WBP1: variants seen among roughly 807,000 people sequenced by gnomAD.
The protein encoded by WBP1 is WW domain binding protein 1, also known as WW domain-binding protein 1.
Under a neutral mutation model 25.6 loss-of-function variants are expected in WBP1, and 18 were observed. The observed-to-expected ratio is 0.70, with a 90% CI of 0.49 to 1.04. The LOEUF is 1.04. Among genes scored for constraint, WBP1 ranks in the 50% least tolerant of loss-of-function variants. The pLI, the probability that WBP1 is intolerant of heterozygous loss-of-function variation, is 0.00. For missense variants in WBP1, 330 were observed against 352.9 expected (o/e 0.94, Z 0.52); for synonymous variants, 122 against 137.7 (o/e 0.89, Z 0.80).
Position 74,459,979 on chromosome 2 carries a change from C to T in WBP1, c.279C>T (p.Ile93=), listed in dbSNP as rs1671846914. ...RLQQQQRQRE[I]NLLAYHGACH... The stretch of plus-strand genomic sequence containing the variant: ...AACAACAGCAGCGGCAGCGTGAAAT[C>T]AACTTGTTGGCCTATCATGGGGCAT... Residue 93 remains isoleucine, a synonymous_variant, in exon 3 of 4, where the codon ATC becomes ATT. Transcript: ENST00000233615. The T allele has an allele frequency of 2.5e-6, 4 of 1,614,028 alleles. No homozygotes were observed. The Admixed American group carries it at 5.0e-5, about 20-fold the overall frequency.
chr2:74,459,185 TG>T (rs1205556931), intron 1 of WBP1: 24 of 1,507,056 alleles, frequency 1.6e-5, no homozygotes, highest in African/African-American at 1.1e-4. Flanking sequence ...CAGTTGCGGG[TG>T]GGGGGTAGTG....
At position 74,460,286 on chromosome 2, in the gene WBP1, C is replaced by G. The variant is rs768311124; in HGVS notation, c.415C>G (p.Pro139Ala). ...GGTTCACCGCCCAGGCACACCACCC[C>G]CCCCTTATACTGTGGCCCCAGGCCG... is the stretch of plus-strand genomic sequence containing the variant. ...DVVHRPGTPP[P>A]PYTVAPGRPL... Residue 139 changes from proline to alanine, a missense_variant, in exon 4 of 4, where the codon CCC becomes GCC. Pro to Ala is a conservative substitution (Grantham distance 27). Transcript: ENST00000233615. 3.7e-6 allele frequency: 6 copies of G among 1,614,066 alleles called. No individual in the cohort carries two copies. The highest frequency in any genetic ancestry group is 2.2e-5 in the South Asian group (2 of 91,082).
intron 1 of WBP1, chr2:74,459,430 T>C (rs1671822417): frequency 1.6e-6 from 1 of 631,064 alleles, no homozygotes; most frequent in Admixed American, 3.0e-5. Context: ...TTTTGTCTTG[T>C]TCTCTAGACT....
rs1671808033 is a variant in WBP1, at chr2:74,459,135, C to G, written c.69+464C>G. On this transcript the variant is annotated intron_variant, in intron 1 of 3. Coordinates refer to ENST00000233615, the MANE Select transcript of WBP1 (RefSeq NM_012477.4). ...TGCTCTGGGTCTCACACTGCCCCTC[C>G]TCTATCCTAGGGAGCCTGAGGCCCA... The G allele has an allele frequency of 2.6e-6, 4 of 1,539,022 alleles. No individual in the cohort carries two copies. In the South Asian group the frequency reaches 4.8e-5, roughly 18 times the overall value.
Position 74,460,777 on chromosome 2 carries a change from T to G in WBP1, c.*96T>G. ...TTGGCCCCTCCCTGCCTACCTAGAA[T>G]CTGCCTGAAAGGGCTGGAGAGGGGC... On this transcript the variant is annotated 3_prime_UTR_variant, in exon 4 of 4. Coordinates refer to ENST00000233615, the MANE Select transcript of WBP1 (RefSeq NM_012477.4). 1 of 1,160,778 alleles carries G rather than the reference T, an allele frequency of 8.6e-7. No homozygotes were observed. Among genetic ancestry groups the G allele is most frequent in the Non-Finnish European group, 1.2e-6 (1 of 832,126 alleles). The allele number at this position is 1,160,778 out of a possible 1,614,324, so 71.9% of individuals were successfully genotyped here.
chr2:74,460,865 TAA>T lies in WBP1; in HGVS notation c.*186_*187del, dbSNP rs572412130. 3.2e-6 allele frequency: 2 copies of T among 631,580 alleles called. No homozygotes were observed. The highest frequency in any genetic ancestry group is 1.8e-5 in the African/African-American group (1 of 54,184). The allele number at this position is 631,580 out of a possible 1,614,324, so 39.1% of individuals were successfully genotyped here. ...CATACACAGGAGCCTTTGATCTCAT[TAA>T]AGAGATGTGAACCAGCTACTTGTGG... is the stretch of plus-strand genomic sequence containing the variant. On this transcript the variant is annotated 3_prime_UTR_variant, in exon 4 of 4. Coordinates refer to ENST00000233615, the MANE Select transcript of WBP1 (RefSeq NM_012477.4).
At chr2:74,459,831 G>A (rs1168881338) in intron 2 of WBP1, 42 bp from the exon 3 acceptor site, 1 of 1,612,820 alleles carries the variant, frequency 6.2e-7, no homozygotes, top group Admixed American at 1.7e-5. Context: ...CCCCTTCTCT[G>A]CATGAAAGAT....
At position 74,460,091 on chromosome 2, in the gene WBP1, C is replaced by T. The variant is rs188999654; in HGVS notation, c.349+42C>T. On this transcript the variant is annotated intron_variant, in intron 3 of 3. Coordinates refer to ENST00000233615, the MANE Select transcript of WBP1 (RefSeq NM_012477.4). Reference sequence around the variant, plus strand: ...CCTGGGTCAGCTACCAGTGGCCCTCCCCAAACCAGAACCCCAAATCGTCTC... The same window carrying T: ...CCTGGGTCAGCTACCAGTGGCCCTCTCCAAACCAGAACCCCAAATCGTCTC... The T allele has an allele frequency of 4.1e-3, 6,508 of 1,602,924 alleles. 20 individuals are homozygous for T. The highest frequency in any genetic ancestry group is 5.0e-3 in the South Asian group (453 of 90,674).
At position 74,458,536 on chromosome 2, in the gene WBP1, A is replaced by T. The variant is rs938997100; in HGVS notation, c.-67A>T. On this transcript the variant is annotated 5_prime_UTR_variant, in exon 1 of 4. Transcript: ENST00000233615. ...GCAGGGACCATGGCGGTGGCAGCAG[A>T]GGTGGCAGGGGCGGGGCGGCTGGCG... 3 of 1,522,968 alleles carry T rather than the reference A, an allele frequency of 2.0e-6. No individual in the cohort carries two copies. Among genetic ancestry groups the T allele is most frequent in the Non-Finnish European group, 2.7e-6 (3 of 1,128,960 alleles). The allele number at this position is 1,522,968 out of a possible 1,614,324, so 94.3% of individuals were successfully genotyped here. A position where few individuals can be genotyped will look rare whatever the true frequency, so the allele number is the denominator to read the frequency against.
intron 1 of WBP1, chr2:74,459,187 G>T (rs1449800793): frequency 2.0e-6 from 3 of 1,507,426 alleles, no homozygotes; most frequent in South Asian, 1.2e-5. Flanking sequence ...GTTGCGGGTG[G>T]GGGGTAGTGA....
Position 74,460,228 on chromosome 2 carries a change from C to G in WBP1, c.357C>G (p.Leu119=). 2 of 1,609,436 alleles carry G rather than the reference C, an allele frequency of 1.2e-6. No homozygotes were observed. Among genetic ancestry groups the G allele is most frequent in the Non-Finnish European group, 8.5e-7 (1 of 1,176,676 alleles). ...PTGSLLDLRF[L]STFKPPAYED... ...CAATTTTCTCCCCTGCAGGCTTCCT[C>G]AGCACCTTCAAGCCCCCAGCCTACG... The change falls in exon 4 of 4, where the codon CTC becomes CTG. Residue 119 remains leucine, a synonymous_variant. Transcript: ENST00000233615.
At position 74,460,875 on chromosome 2, in the gene WBP1, T is replaced by G. The variant is rs1671883575; in HGVS notation, c.*194T>G. The G allele has an allele frequency of 4.8e-6, 3 of 623,300 alleles. No homozygotes were observed. The East Asian group carries it at 8.4e-5, about 17-fold the overall frequency. 38.6% of individuals were successfully genotyped at this position (623,300 alleles called of 1,614,324 possible). Reference sequence around the variant, plus strand: ...AGCCTTTGATCTCATTAAAGAGATGTGAACCAGCTACTTGTGGATTTGGGT... The same window carrying G: ...AGCCTTTGATCTCATTAAAGAGATGGGAACCAGCTACTTGTGGATTTGGGT... On this transcript the variant is annotated 3_prime_UTR_variant, in exon 4 of 4. Coordinates refer to ENST00000233615, the MANE Select transcript of WBP1 (RefSeq NM_012477.4).
At chr2:74,460,153 C>T (rs1671854172) in intron 3 of WBP1, 68 bp from the exon 4 acceptor site, 2 of 1,551,544 alleles carry the variant, frequency 1.3e-6, no homozygotes. Context: ...GTATTTTTCC[C>T]TAATATAAAA....
chr2:74,460,726 C>T lies in WBP1; in HGVS notation c.*45C>T. Reference sequence around the variant, plus strand: ...TGGGTTACTTGCCCACCAGAAACAGCCCTAGTCCCAACTCCTTGCGTTCCT... The same window carrying T: ...TGGGTTACTTGCCCACCAGAAACAGTCCTAGTCCCAACTCCTTGCGTTCCT... On this transcript the variant is annotated 3_prime_UTR_variant, in exon 4 of 4. Transcript: ENST00000233615. 6.7e-7 allele frequency: 1 copy of T among 1,481,808 alleles called. No individual in the cohort carries two copies. Among genetic ancestry groups the T allele is most frequent in the Non-Finnish European group, 9.1e-7 (1 of 1,101,840 alleles). The allele number at this position is 1,481,808 out of a possible 1,614,324, so 91.8% of individuals were successfully genotyped here.
Position 74,459,726 on chromosome 2 carries a change from C to T in WBP1, c.153C>T (p.Thr51=). The T allele has an allele frequency of 1.2e-6, 2 of 1,614,184 alleles. No individual in the cohort carries two copies. Among genetic ancestry groups the T allele is most frequent in the South Asian group, 1.1e-5 (1 of 91,088 alleles). Residue 51 remains threonine, a synonymous_variant, in exon 2 of 4, where the codon ACC becomes ACT. Coordinates refer to ENST00000233615, the MANE Select transcript of WBP1 (RefSeq NM_012477.4). ...GCTGCGGGGAGACTGGCTGCTGCAC[C>T]TACTACTATGAGCTCTGGTGTAAGT... ...GHCCGETGCC[T]YYYELWWFWL...
chr2:74,458,910 C>A (rs1219026908), intron 1 of WBP1: 4 of 1,550,856 alleles, frequency 2.6e-6, no homozygotes, highest in Non-Finnish European at 2.6e-6. Context: ...CTCCAGTGAC[C>A]AGAGGCATAG....
At position 74,459,809 on chromosome 2, in the gene WBP1, C is replaced by T. The variant is rs1164403476; in HGVS notation, c.172+64C>T. The T allele has an allele frequency of 3.4e-5, 55 of 1,612,954 alleles. No homozygotes were observed. In the East Asian group the frequency reaches 9.4e-4, roughly 27 times the overall value. On this transcript the variant is annotated intron_variant, in intron 2 of 3. Coordinates refer to ENST00000233615, the MANE Select transcript of WBP1 (RefSeq NM_012477.4). ...CACCCTCCCTTGGACCTCAGAATTTCGGCCTTCAGGGCCCCTTCTCTGCAT... is the reference window on the plus strand; with the variant it reads ...CACCCTCCCTTGGACCTCAGAATTTTGGCCTTCAGGGCCCCTTCTCTGCAT...
chr2:74,460,131 ACACATTT>A lies in WBP1; in HGVS notation c.349+85_350-81del, dbSNP rs113321228. Reference sequence around the variant, plus strand: ...CAAATCGTCTCACATTCCCTTTTCCACACATTTCAAAGTATTTTTCCCTAATATAAAA... The same window carrying A: ...CAAATCGTCTCACATTCCCTTTTCCACAAAGTATTTTTCCCTAATATAAAA... On this transcript the variant is annotated intron_variant, in intron 3 of 3. Transcript: ENST00000233615. 42 of 1,573,910 alleles carry A rather than the reference ACACATTT, an allele frequency of 2.7e-5. No individual in the cohort carries two copies. In the South Asian group the frequency reaches 4.8e-4, roughly 18 times the overall value.
At chr2:74,460,140 A>ACAT in intron 3 of WBP1, 81 bp from the exon 4 acceptor site, 1 of 1,577,436 alleles carries the variant, frequency 6.3e-7, no homozygotes, top group African/African-American at 1.4e-5. Context: ...CACACATTTC[A>ACAT]AAGTATTTTT....
Sources: allele counts gnomAD v4.1 joint callset, GRCh38; gene constraint gnomAD v4.1.1; transcripts MANE v1.5; gene names NCBI Gene and HGNC (gene_info 2026-07-23, HGNC 2026-07-21).